The following ARFRP1 variants were observed in gnomAD, a reference collection of about 807,000 sequenced individuals.
The protein encoded by ARFRP1 is ADP-ribosylation factor-related protein 1.
In ARFRP1, 19 loss-of-function variants were observed where a neutral mutation model predicts 30.3. That is an observed-to-expected ratio of 0.63 (90% CI 0.44 to 0.92). ARFRP1 has a LOEUF of 0.92. Among genes scored for constraint, ARFRP1 ranks in the 40% least tolerant of loss-of-function variants. ARFRP1 has a pLI of 0.00. For missense variants in ARFRP1, 245 were observed against 267.5 expected, an observed-to-expected ratio of 0.92 and a Z score of 0.59; for synonymous variants, 133 against 114.2, an observed-to-expected ratio of 1.16 and a Z score of -1.05.
Position 63,699,477 on chromosome 20 carries a change from C to T in ARFRP1, c.*966G>A, listed in dbSNP as rs565717756. ...ATCACCGTGTCCAACAGCCAGGAGC[C>T]TCCACCCTCCAGGAGGGAAGGGATG... On this transcript the variant is annotated 3_prime_UTR_variant, in exon 8 of 8. Transcript: ENST00000622789. 40 of 152,602 alleles carry T rather than the reference C, an allele frequency of 2.6e-4. No individual in the cohort carries two copies. The highest frequency in any genetic ancestry group is 4.8e-4 in the Non-Finnish European group (33 of 68,294). The allele number at this position is 152,602 out of a possible 1,614,324, so 9.5% of individuals were successfully genotyped here. A position where few individuals can be genotyped will look rare whatever the true frequency, so the allele number is the denominator to read the frequency against.
At chr20:63,707,182 C>A in intron 1 of ARFRP1, 85 bp from the exon 2 acceptor site, 1 of 1,199,664 alleles carries the variant, frequency 8.3e-7, no homozygotes, top group Non-Finnish European at 1.2e-6. Flanking sequence ...TGGCGCCCCA[C>A]GTCCAGCCGA....
At chr20:63,707,485 C>G (rs949337176) in intron 1 of ARFRP1, 15 of 170,608 alleles carry the variant, frequency 8.8e-5, no homozygotes, top group Non-Finnish European at 1.6e-4. Context: ...ACGGCACCCT[C>G]GAGCGCCAGC....
chr20:63,700,134 G>A lies in ARFRP1; in HGVS notation c.*309C>T, dbSNP rs2091124089. 1 of 412,838 alleles carries A rather than the reference G, an allele frequency of 2.4e-6. No homozygotes were observed. The highest frequency in any genetic ancestry group is 2.2e-5 in the South Asian group (1 of 46,132). The allele number at this position is 412,838 out of a possible 1,614,324, so 25.6% of individuals were successfully genotyped here. A position where few individuals can be genotyped will look rare whatever the true frequency, so the allele number is the denominator to read the frequency against. ...GCAGCCCAAGCCAGCCTGAGCACTG[G>A]AGCCCCAATTCCCAACCAGGTCTCC... On this transcript the variant is annotated 3_prime_UTR_variant, in exon 8 of 8. Coordinates refer to ENST00000622789, the MANE Select transcript of ARFRP1 (RefSeq NM_001267547.3).
chr20:63,701,145 C>T (rs751648508), intron 6 of ARFRP1: 1 of 438,814 alleles, frequency 2.3e-6, no homozygotes, highest in South Asian at 1.6e-5. Context: ...CAAAAAGCAG[C>T]CCTCCCCTCC....
intron 4 of ARFRP1, chr20:63,705,940 G>C: frequency 8.6e-6 from 3 of 349,282 alleles, no homozygotes; most frequent in Non-Finnish European, 1.7e-5. Context: ...AACATTGAAA[G>C]AAACTAGCCC....
intron 4 of ARFRP1, chr20:63,706,134 C>T (rs2091450468): frequency 2.0e-6 from 1 of 512,722 alleles, no homozygotes; most frequent in Non-Finnish European, 3.6e-6. Context: ...GCAGGGAACT[C>T]CCAAGTGGGA....
rs973129435 is a variant in ARFRP1 at position 63,699,257 on chromosome 20, C to A, written c.*1186G>T. On this transcript the variant is annotated 3_prime_UTR_variant, in exon 8 of 8. Coordinates refer to ENST00000622789, the MANE Select transcript of ARFRP1 (RefSeq NM_001267547.3). ...TCCCCTGGAGAGGACGCGGGGACTT[C>A]CAGGGCCCGACTCCTGTGAGTCACA... is the stretch of plus-strand genomic sequence containing the variant. The A allele has an allele frequency of 2.0e-5, 3 of 152,228 alleles. No individual in the cohort carries two copies. The highest frequency in any genetic ancestry group is 4.4e-5 in the Non-Finnish European group (3 of 68,040). The allele number at this position is 152,228 out of a possible 1,614,324, so 9.4% of individuals were successfully genotyped here.
chr20:63,707,595 G>C (rs1459931269), intron 1 of ARFRP1: 1 of 155,366 alleles, frequency 6.4e-6, no homozygotes, highest in East Asian at 1.9e-4. Flanking sequence ...CTTAAAACGG[G>C]GACGGCCCTG....
At chr20:63,706,922 G>C (rs1261452834) in intron 2 of ARFRP1, 77 bp downstream of exon 2, 1 of 1,542,416 alleles carries the variant, frequency 6.5e-7, no homozygotes, top group Non-Finnish European at 8.9e-7. Flanking sequence ...GGTAGTGAAC[G>C]TGCAGCTGAC....
At position 63,700,177 on chromosome 20, in the gene ARFRP1, G is replaced by A. The variant is rs927776502; in HGVS notation, c.*266C>T. 4.1e-6 allele frequency: 2 copies of A among 488,716 alleles called. No homozygotes were observed. Among genetic ancestry groups the A allele is most frequent in the African/African-American group, 3.9e-5 (2 of 51,154 alleles). The allele number at this position is 488,716 out of a possible 1,614,324, so 30.3% of individuals were successfully genotyped here. A position where few individuals can be genotyped will look rare whatever the true frequency, so the allele number is the denominator to read the frequency against. ...AGGTCTCCCTCAGACCCCCCAGAAA[G>A]GGCCTCGAAAGGCCGCCGCTGCGCC... On this transcript the variant is annotated 3_prime_UTR_variant, in exon 8 of 8. Coordinates refer to ENST00000622789, the MANE Select transcript of ARFRP1 (RefSeq NM_001267547.3).
At chr20:63,701,533 A>C (rs2091204999) in intron 6 of ARFRP1, 1 of 565,794 alleles carries the variant, frequency 1.8e-6, no homozygotes, top group African/African-American at 1.9e-5. Flanking sequence ...GTGTCCCCAC[A>C]GCTTGGCCAC....
In ARFRP1 at chr20:63,699,432, C is replaced by G. The variant is rs2091082946; in HGVS notation, c.*1011G>C. 6.6e-6 allele frequency: 1 copy of G among 152,406 alleles called. No homozygotes were observed. Among genetic ancestry groups the G allele is most frequent in the Admixed American group, 6.5e-5 (1 of 15,286 alleles). The allele number at this position is 152,406 out of a possible 1,614,324, so 9.4% of individuals were successfully genotyped here. ...GAGCCCCTCACCTGCCCACCAGCCCCTGAGCAGCCCAGTAACACCATCACC... is the reference window on the plus strand; with the variant it reads ...GAGCCCCTCACCTGCCCACCAGCCCGTGAGCAGCCCAGTAACACCATCACC... On this transcript the variant is annotated 3_prime_UTR_variant, in exon 8 of 8. Coordinates refer to ENST00000622789, the MANE Select transcript of ARFRP1 (RefSeq NM_001267547.3).
At chr20:63,705,315 G>T in intron 4 of ARFRP1, 1 of 163,420 alleles carries the variant, frequency 6.1e-6, no homozygotes, top group Admixed American at 6.1e-5. Flanking sequence ...TCAAAAAAGA[G>T]ATCAGGACCT....
chr20:63,707,236 C>T, intron 1 of ARFRP1, 139 bp from the exon 2 acceptor site: 1 of 672,756 alleles, frequency 1.5e-6, no homozygotes, highest in Non-Finnish European at 2.6e-6. Flanking sequence ...ACTCCTCGTC[C>T]CTCTCCCACC....
In ARFRP1 at chr20:63,701,891, AC is replaced by A. The variant is rs748306521; in HGVS notation, c.355del (p.Val119Ter). On this transcript the variant is annotated frameshift_variant, in exon 6 of 8. Transcript: ENST00000622789. LOFTEE classifies it high-confidence loss of function. The part of the protein sequence containing the change: ...AESKQAFEKV[V>X]TSEALCGVPV... ...GACACCGCACAGCGCCTCGCTGGTC[AC>A]CACCTTCTCTGGGGAGGGCAGGAGA... The A allele has an allele frequency of 1.3e-6, 2 of 1,547,824 alleles. No homozygotes were observed. The highest frequency in any genetic ancestry group is 2.4e-5 in the South Asian group (2 of 84,040).
At position 63,700,437 on chromosome 20, in the gene ARFRP1, C is replaced by G; in HGVS notation, c.*6G>C. Reference sequence around the variant, plus strand: ...ACCAGCCGTCCCGACGGCAGCGCGGCTGCGCCTACGTGATGTCCCTCTGCC... The same window carrying G: ...ACCAGCCGTCCCGACGGCAGCGCGGGTGCGCCTACGTGATGTCCCTCTGCC... On this transcript the variant is annotated 3_prime_UTR_variant, in exon 8 of 8. Transcript: ENST00000622789. The G allele has an allele frequency of 6.2e-7, 1 of 1,607,700 alleles. No individual in the cohort carries two copies. Among genetic ancestry groups the G allele is most frequent in the Non-Finnish European group, 8.5e-7 (1 of 1,179,746 alleles).
At chr20:63,701,289 T>C (rs2257818) in intron 6 of ARFRP1, 120,039 of 507,768 alleles carry the variant, frequency 0.24, 16,474 homozygotes, top group East Asian at 0.64. Flanking sequence ...AAGATTCACC[T>C]GGCCCTCTGG....
Position 63,698,672 on chromosome 20 carries a change from CT to C in ARFRP1, c.*1770del. On this transcript the variant is annotated 3_prime_UTR_variant, in exon 8 of 8. Coordinates refer to ENST00000622789, the MANE Select transcript of ARFRP1 (RefSeq NM_001267547.3). ...TTTCTTAAAGCTTATTTTTATAAAG[CT>C]TTTTCATAAAACTGGTTGTAGTTGC... 7.8e-7 allele frequency: 1 copy of C among 1,288,994 alleles called. No homozygotes were observed. The highest frequency in any genetic ancestry group is 1.0e-6 in the Non-Finnish European group (1 of 991,374). 79.8% of individuals were successfully genotyped at this position (1,288,994 alleles called of 1,614,324 possible).
chr20:63,700,660 A>T lies in ARFRP1; in HGVS notation c.460T>A (p.Cys154Ser), dbSNP rs2145524193. Reference sequence around the variant, plus strand: ...TCTCGCCTGCCGATCTTGCTGGTGCAGTCGCTGAAGGCCGTCTTGATGTCA... The same window carrying T: ...TCTCGCCTGCCGATCTTGCTGGTGCTGTCGCTGAAGGCCGTCTTGATGTCA... ...IPDIKTAFSD[C>S]TSKIGRRDCL... Residue 154 changes from cysteine to serine, a missense_variant, in exon 7 of 8, where the codon TGC (cysteine) becomes AGC (serine). Physicochemically the swap from Cys to Ser is moderately radical, Grantham distance 112. Transcript: ENST00000622789. 2 of 1,611,026 alleles carry T rather than the reference A, an allele frequency of 1.2e-6. No individual in the cohort carries two copies. Among genetic ancestry groups the T allele is most frequent in the East Asian group, 4.5e-5 (2 of 44,860 alleles).
Sources: gnomAD v4.1 joint callset for allele counts on GRCh38, gnomAD v4.1.1 for gene constraint, MANE v1.5 for transcripts, NCBI Gene and HGNC (gene_info 2026-07-23, HGNC 2026-07-21) for gene names.